UBAC2: variants seen among roughly 807,000 people sequenced by gnomAD.
UBAC2 encodes the protein UBA domain containing 2.
Under a neutral mutation model 44.0 loss-of-function variants are expected in UBAC2, and 26 were observed. That is an observed-to-expected ratio of 0.59 (90% CI 0.43 to 0.82). The LOEUF is 0.82. UBAC2 is among the 40% of genes least tolerant of loss of function. The probability of loss-of-function intolerance (pLI) is 0.00; values close to 1 mark genes in which losing one functional copy is unlikely to be tolerated. For missense variants in UBAC2, 329 were observed against 419.4 expected, an observed-to-expected ratio of 0.78 and a Z score of 1.88; for synonymous variants, 155 against 154.3, an observed-to-expected ratio of 1.00 and a Z score of -0.04.
intron 2 of UBAC2, among the ~76,000 whole-genome samples, chr13:99,241,001 T>G (rs1236160621): frequency 1.9e-4 from 29 of 152,326 alleles, no homozygotes; most frequent in Non-Finnish European, 1.5e-5. Flanking sequence ...GGCTCACACC[T>G]GTCATTTCAG....
intron 7 of UBAC2, among the ~76,000 whole-genome samples, chr13:99,348,893 G>A (rs2045034020): frequency 6.6e-6 from 1 of 152,184 alleles, no homozygotes; most frequent in South Asian, 2.1e-4. Flanking sequence ...TGTGCCTGTA[G>A]TCCCAGCTAC....
At chr13:99,254,373 G>C (rs1403145943) in intron 4 of UBAC2, among the ~76,000 whole-genome samples, 2 of 152,118 alleles carry the variant, frequency 1.3e-5, no homozygotes, top group Non-Finnish European at 2.9e-5. Flanking sequence ...GGGCTGATGG[G>C]GATGGCTGTA....
chr13:99,365,733 T>G (rs2045321611), intron 7 of UBAC2, among the ~76,000 whole-genome samples: 1 of 152,210 alleles, frequency 6.6e-6, no homozygotes, highest in Admixed American at 6.5e-5. Flanking sequence ...GTATATTCTC[T>G]AAATATTAAA....
intron 6 of UBAC2, among the ~76,000 whole-genome samples, chr13:99,320,521 C>CA (rs1393087096): frequency 3.3e-5 from 5 of 152,100 alleles, no homozygotes; most frequent in Admixed American, 2.6e-4. Flanking sequence ...TCTACTATGA[C>CA]AAAAAATCTG....
intron 8 of UBAC2, among the ~76,000 whole-genome samples, chr13:99,385,020 A>G (rs1018064818): frequency 6.6e-5 from 10 of 152,248 alleles, no homozygotes; most frequent in African/African-American, 2.4e-4. Flanking sequence ...ATGTGCGATC[A>G]TGCATATATA....
chr13:99,354,160 G>A (rs2045140577), intron 7 of UBAC2, among the ~76,000 whole-genome samples: 1 of 152,228 alleles, frequency 6.6e-6, no homozygotes, highest in Admixed American at 6.5e-5. Flanking sequence ...GTCCACAACT[G>A]TGGCTCTCAC....
chr13:99,237,265 TATATATAC>T (rs780044078), intron 1 of UBAC2, among the ~76,000 whole-genome samples: 27 of 113,978 alleles, frequency 2.4e-4, no homozygotes, highest in Admixed American at 1.6e-3. Flanking sequence ...TATATATATA[TATATATAC>T]ACACACACAC....
intron 4 of UBAC2, among the ~76,000 whole-genome samples, chr13:99,282,541 A>G (rs2043967301): frequency 6.6e-6 from 1 of 152,196 alleles, no homozygotes; most frequent in African/African-American, 2.4e-5. Context: ...CAAAATTTCC[A>G]GTCTAATAGG....
intron 7 of UBAC2, among the ~76,000 whole-genome samples, chr13:99,353,523 G>T (rs2045128408): frequency 6.6e-6 from 1 of 152,162 alleles, no homozygotes; most frequent in Admixed American, 6.5e-5. Flanking sequence ...CAGAAAACAA[G>T]CAAATGATGA....
At chr13:99,218,476 G>A (rs2043021105) in intron 1 of UBAC2, among the ~76,000 whole-genome samples, 1 of 150,742 alleles carries the variant, frequency 6.6e-6, no homozygotes, top group African/African-American at 2.4e-5. Context: ...TAGAGGGTAA[G>A]TCCTTCTCTT....
At chr13:99,253,512 A>T (rs893847367) in intron 4 of UBAC2, among the ~76,000 whole-genome samples, 1 of 152,036 alleles carries the variant, frequency 6.6e-6, no homozygotes, top group Non-Finnish European at 1.5e-5. Context: ...TATTTCCAGA[A>T]ATTAATTTCT....
At chr13:99,368,776 G>A (rs2045367950) in intron 8 of UBAC2, among the ~76,000 whole-genome samples, 1 of 151,416 alleles carries the variant, frequency 6.6e-6, no homozygotes, top group South Asian at 2.1e-4. Flanking sequence ...TGGCCTCCTG[G>A]TAGCAGTGGG....
chr13:99,215,766 T>A, intron 1 of UBAC2: 1 of 1,162,080 alleles, frequency 8.6e-7, no homozygotes. Flanking sequence ...CATTTCGAGT[T>A]CTGCTGAAGC....
intron 2 of UBAC2, among the ~76,000 whole-genome samples, chr13:99,239,224 C>G (rs978357492): frequency 2.0e-5 from 3 of 152,154 alleles, no homozygotes; most frequent in African/African-American, 7.2e-5. Flanking sequence ...TAATTAATAC[C>G]ATTGCTCAGA....
At chr13:99,324,304 C>T (rs1315646198) in intron 6 of UBAC2, among the ~76,000 whole-genome samples, 1 of 152,156 alleles carries the variant, frequency 6.6e-6, no homozygotes, top group Non-Finnish European at 1.5e-5. Flanking sequence ...TGTTGTTTGA[C>T]TTACACTAGC....
intron 4 of UBAC2, among the ~76,000 whole-genome samples, chr13:99,294,033 C>G (rs1039806275): frequency 6.6e-6 from 1 of 152,118 alleles, no homozygotes; most frequent in African/African-American, 2.4e-5. Flanking sequence ...GCTACTCATA[C>G]TAAGGTACTC....
intron 1 of UBAC2, among the ~76,000 whole-genome samples, chr13:99,211,649 CACTT>C (rs1185639003): frequency 4.6e-5 from 7 of 152,192 alleles, no homozygotes; most frequent in Non-Finnish European, 7.3e-5. Context: ...GAGGCACAGA[CACTT>C]AAGTAACTTT....
chr13:99,359,467 G>T (rs2045234166), intron 7 of UBAC2, among the ~76,000 whole-genome samples: 1 of 152,144 alleles, frequency 6.6e-6, no homozygotes, highest in Non-Finnish European at 1.5e-5. Context: ...GATCTCCGTG[G>T]TAGGTCATCC....
intron 2 of UBAC2, among the ~76,000 whole-genome samples, chr13:99,242,153 G>A (rs1430201243): frequency 5.7e-5 from 7 of 122,878 alleles, no homozygotes; most frequent in African/African-American, 1.8e-4. Flanking sequence ...ACACAGAGAC[G>A]GCAACCATCC....
Sources: allele counts gnomAD v4.1 joint callset (sites outside exome capture counted in the v4.1 genomes callset), GRCh38; gene constraint gnomAD v4.1.1; transcripts MANE v1.5; gene names NCBI Gene and HGNC (gene_info 2026-07-23, HGNC 2026-07-21).